The following PREP variants were observed in gnomAD, a reference collection of about 807,000 sequenced individuals.
The protein encoded by PREP is dJ355L5.1 (prolyl endopeptidase).
Under a neutral mutation model 87.6 loss-of-function variants are expected in PREP, and 29 were observed. The observed-to-expected ratio is 0.33, with a 90% CI of 0.25 to 0.45. PREP has a LOEUF of 0.45. Ranked by LOEUF, PREP falls within the 20% of genes least tolerant of loss-of-function variation. The pLI, the probability that PREP is intolerant of heterozygous loss-of-function variation, is 1.00. For missense variants in PREP, 695 were observed against 886.5 expected, an observed-to-expected ratio of 0.78 and a Z score of 2.74; for synonymous variants, 337 against 328.6, an observed-to-expected ratio of 1.03 and a Z score of -0.28.
At chr6:105,376,809 TA>T in intron 3 of PREP, among the ~76,000 whole-genome samples, 1 of 152,288 alleles carries the variant, frequency 6.6e-6, no homozygotes, top group East Asian at 1.9e-4. Flanking sequence ...ACCTTATTTA[TA>T]AAAATAGGTA....
Position 105,278,329 on chromosome 6 carries a change from G to A in PREP, c.1948C>T (p.Leu650=), listed in dbSNP as rs1364059162. The A allele has an allele frequency of 6.2e-7, 1 of 1,614,240 alleles. No homozygotes were observed. Among genetic ancestry groups the A allele is most frequent in the South Asian group, 1.1e-5 (1 of 91,090 alleles). ...HDDRVVPLHS[L]KFIATLQYIV... Reference sequence around the variant, plus strand: ...TACTGAAGGGTGGCAATGAACTTCAGGGAGTGAAGCGGGACCACGCGGTCA... The same window carrying A: ...TACTGAAGGGTGGCAATGAACTTCAAGGAGTGAAGCGGGACCACGCGGTCA... The change falls in exon 15 of 15, where the codon CTG becomes TTG. Residue 650 remains leucine (L), a synonymous_variant. Transcript: ENST00000652536. The surrounding 1 kb of genome is among the most constrained non-coding windows in gnomAD (Gnocchi z 4.2).
At chr6:105,355,712 T>G (rs1772081699) in intron 6 of PREP, among the ~76,000 whole-genome samples, 1 of 152,184 alleles carries the variant, frequency 6.6e-6, no homozygotes, top group Non-Finnish European at 1.5e-5. Flanking sequence ...TTCTAGAACT[T>G]CAAATACATA....
At chr6:105,396,222 G>A (rs1295263152) in intron 2 of PREP, among the ~76,000 whole-genome samples, 1 of 152,208 alleles carries the variant, frequency 6.6e-6, no homozygotes, top group Non-Finnish European at 1.5e-5. Context: ...GTTAGAGAAA[G>A]AATGTAGGAT....
rs1266845544 is a variant in PREP, at chr6:105,277,195, C to CTAT, written c.*946_*948dup. 6.3e-5 allele frequency among the ~76,000 whole-genome samples: 9 copies of CTAT among 143,274 alleles called. No individual in the cohort carries two copies. The East Asian group carries it at 1.6e-3, about 25-fold the overall frequency. The allele number at this position is 143,274 out of a possible 152,430, so 94.0% of individuals were successfully genotyped here. A position where few individuals can be genotyped will look rare whatever the true frequency, so the allele number is the denominator to read the frequency against. On this transcript the variant is annotated 3_prime_UTR_variant, in exon 15 of 15. Coordinates refer to ENST00000652536, the MANE Select transcript of PREP (RefSeq NM_002726.5). ...TTTTTTTTCCAGTAAGTAAGTATGA[C>CTAT]TATTTCTATTTCCAGGAGTGATCTA...
chr6:105,343,755 A>C (rs1247961667), intron 7 of PREP, among the ~76,000 whole-genome samples: 1 of 152,228 alleles, frequency 6.6e-6, no homozygotes, highest in Non-Finnish European at 1.5e-5. Context: ...ATGCAGCCAA[A>C]AGACGCATGA....
chr6:105,329,681 T>C (rs927986728), intron 8 of PREP, among the ~76,000 whole-genome samples: 4 of 152,220 alleles, frequency 2.6e-5, no homozygotes, highest in Admixed American at 1.3e-4. Flanking sequence ...GACAGGATTG[T>C]TTATTAGATA....
chr6:105,332,965 G>C (rs1771376783), intron 8 of PREP, among the ~76,000 whole-genome samples: 1 of 152,116 alleles, frequency 6.6e-6, no homozygotes, highest in Non-Finnish European at 1.5e-5. Context: ...TTAAAGCTAA[G>C]GATTCTAAAT....
chr6:105,328,319 G>A (rs370110457), intron 9 of PREP, among the ~76,000 whole-genome samples: 3 of 151,378 alleles, frequency 2.0e-5, no homozygotes, highest in Admixed American at 6.6e-5. Flanking sequence ...GTGCAGTGGC[G>A]CGATCTCGGC....
rs1182699024 is a variant in PREP at position 105,277,672 on chromosome 6, C to T, written c.*472G>A. On this transcript the variant is annotated 3_prime_UTR_variant, in exon 15 of 15. Coordinates refer to ENST00000652536, the MANE Select transcript of PREP (RefSeq NM_002726.5). Reference sequence around the variant, plus strand: ...TGCTTTATTCTCACAGAAAACTCCACTTCTGGAGTTGCCCCTCAATATGAA... The same window carrying T: ...TGCTTTATTCTCACAGAAAACTCCATTTCTGGAGTTGCCCCTCAATATGAA... The T allele has an allele frequency of 6.4e-6, 1 of 156,926 alleles. No homozygotes were observed. The highest frequency in any genetic ancestry group is 2.4e-5 in the African/African-American group (1 of 41,490). 9.7% of individuals were successfully genotyped at this position (156,926 alleles called of 1,614,324 possible).
At chr6:105,362,789 A>G (rs146899274) in intron 6 of PREP, among the ~76,000 whole-genome samples, 1 of 152,312 alleles carries the variant, frequency 6.6e-6, no homozygotes, top group Admixed American at 6.5e-5. Flanking sequence ...GGGAATAAAT[A>G]TGGACTGTGC....
At chr6:105,314,965 T>C in intron 10 of PREP, among the ~76,000 whole-genome samples, 1 of 152,200 alleles carries the variant, frequency 6.6e-6, no homozygotes, top group Non-Finnish European at 1.5e-5. Flanking sequence ...CATCTCTTTG[T>C]ACAGCTCCAT....
intron 10 of PREP, chr6:105,322,648 A>G: frequency 1.0e-6 from 1 of 989,780 alleles, no homozygotes. Flanking sequence ...TGCCAAAGCA[A>G]CCACAGGCAA....
intron 1 of PREP, among the ~76,000 whole-genome samples, chr6:105,402,189 C>T (rs1326631905): frequency 6.6e-6 from 1 of 152,136 alleles, no homozygotes; most frequent in Non-Finnish European, 1.5e-5. Flanking sequence ...CTCTCAACTC[C>T]TTTTCTTGTT....
At chr6:105,388,030 A>G in intron 2 of PREP, among the ~76,000 whole-genome samples, 1 of 152,030 alleles carries the variant, frequency 6.6e-6, no homozygotes, top group Non-Finnish European at 1.5e-5. Context: ...ATATGGAGAA[A>G]AGAGAGAGAA....
chr6:105,401,173 C>T (rs549153980), intron 1 of PREP, among the ~76,000 whole-genome samples: 1 of 152,306 alleles, frequency 6.6e-6, no homozygotes, highest in Non-Finnish European at 1.5e-5. Context: ...CTCACTTAAA[C>T]CTTTCATGAA....
At chr6:105,399,696 T>C (rs577895728) in intron 1 of PREP, among the ~76,000 whole-genome samples, 20 of 152,230 alleles carry the variant, frequency 1.3e-4, no homozygotes, top group Non-Finnish European at 2.8e-4. Context: ...GAAGTGGTTA[T>C]AAAATAGGCT....
At chr6:105,371,232 T>A (rs527600541) in intron 5 of PREP, among the ~76,000 whole-genome samples, 1 of 152,154 alleles carries the variant, frequency 6.6e-6, no homozygotes, top group South Asian at 2.1e-4. Flanking sequence ...CGGCCAGGCG[T>A]GGTGGCTCAC....
chr6:105,395,104 G>A (rs948192412), intron 2 of PREP, among the ~76,000 whole-genome samples: 35 of 152,122 alleles, frequency 2.3e-4, no homozygotes, highest in African/African-American at 8.4e-4. Context: ...AATTGCCATG[G>A]TAGAATATGA....
chr6:105,305,784 G>A (rs923913373), intron 10 of PREP, among the ~76,000 whole-genome samples: 7 of 151,730 alleles, frequency 4.6e-5, no homozygotes, highest in African/African-American at 1.7e-4. Flanking sequence ...ACAGATTTTT[G>A]CATATTCCTT....
Sources: allele counts gnomAD v4.1 joint callset (sites outside exome capture counted in the v4.1 genomes callset), GRCh38; gene constraint gnomAD v4.1.1; non-coding constraint Gnocchi (gnomAD v3.1); transcripts MANE v1.5; gene names NCBI Gene and HGNC (gene_info 2026-07-23, HGNC 2026-07-21).